ZFR2: variants seen among roughly 807,000 people sequenced by gnomAD.
The protein encoded by ZFR2 is zinc finger RNA binding protein 2, also known as zinc finger RNA-binding protein 2.
In ZFR2, 104 loss-of-function variants were observed where a neutral mutation model predicts 105.7. The observed-to-expected ratio is 0.98, with a 90% confidence interval of 0.84 to 1.16. The LOEUF is 1.16. Ranked by LOEUF, ZFR2 falls within the 50% of genes most tolerant of loss-of-function variation. The probability of loss-of-function intolerance (pLI) is 0.00; values close to 1 mark genes in which losing one functional copy is unlikely to be tolerated. For missense variants in ZFR2, 1,425 were observed against 1,355.5 expected, an observed-to-expected ratio of 1.05 and a Z score of -0.80; for synonymous variants, 634 against 597.7, an observed-to-expected ratio of 1.06 and a Z score of -0.89.
chr19:3,853,578 A>T (rs2145184595), intron 1 of ZFR2, among the ~76,000 whole-genome samples: 1 of 152,318 alleles, frequency 6.6e-6, no homozygotes, highest in South Asian at 2.1e-4. Flanking sequence ...AGCCAGACAC[A>T]AAAGGCCATA....
chr19:3,811,280 AC>A lies in ZFR2; in HGVS notation c.2328del (p.Arg776SerfsTer14), dbSNP rs2037760946. The A allele has an allele frequency of 6.3e-7, 1 of 1,594,042 alleles. No individual in the cohort carries two copies. Among genetic ancestry groups the A allele is most frequent in the Non-Finnish European group, 8.5e-7 (1 of 1,171,448 alleles). On this transcript the variant is annotated frameshift_variant, in exon 15 of 19. Coordinates refer to ENST00000262961, the MANE Select transcript of ZFR2 (RefSeq NM_015174.2). LOFTEE classifies it high-confidence loss of function. ...LESLAALRHA[R>X]WFQARASGLQ... Reference sequence around the variant, plus strand: ...ACCCCTGCCCCCCTGACCTGAAACCACCTGGCATGACGGAGGGCGGCCAGGG... The same window carrying A: ...ACCCCTGCCCCCCTGACCTGAAACCACTGGCATGACGGAGGGCGGCCAGGG...
At chr19:3,821,310 GC>G in intron 10 of ZFR2, 29 bp downstream of exon 10, 1 of 1,541,836 alleles carries the variant, frequency 6.5e-7, no homozygotes, top group Non-Finnish European at 8.7e-7. Context: ...CCCTCACCAG[GC>G]CCCCTTGCCA....
At chr19:3,807,600 TGC>T (rs1158399939) in intron 17 of ZFR2, among the ~76,000 whole-genome samples, 1 of 151,266 alleles carries the variant, frequency 6.6e-6, no homozygotes, top group Admixed American at 6.6e-5. Context: ...TGTCCGTGTG[TGC>T]ACGTGTGTGC....
At position 3,816,713 on chromosome 19, in the gene ZFR2, C is replaced by T; in HGVS notation, c.2064G>A (p.Leu688=). ...GCAGCTGCTGGGCGATCCTCCGCAGCAGGCTGTGCGTGGGCTTCTCGGAGC... is the reference window on the plus strand; with the variant it reads ...GCAGCTGCTGGGCGATCCTCCGCAGTAGGCTGTGCGTGGGCTTCTCGGAGC... The part of the protein sequence containing the change: ...LLCSEKPTHS[L]LRRIAQQLPR... The change falls in exon 13 of 19, where the codon CTG becomes CTA. Residue 688 remains leucine (L), a synonymous_variant. Transcript: ENST00000262961. 1.2e-6 allele frequency: 2 copies of T among 1,611,906 alleles called. No homozygotes were observed. Among genetic ancestry groups the T allele is most frequent in the Non-Finnish European group, 1.7e-6 (2 of 1,179,222 alleles).
intron 1 of ZFR2, among the ~76,000 whole-genome samples, chr19:3,864,230 C>T (rs1017417131): frequency 2.0e-5 from 3 of 151,874 alleles, no homozygotes; most frequent in Admixed American, 6.6e-5. Context: ...AAATAAATAT[C>T]GCCAGGCATG....
In ZFR2 at chr19:3,804,274, C is replaced by T. The variant is rs959082553; in HGVS notation, c.*1675G>A. On this transcript the variant is annotated 3_prime_UTR_variant, in exon 19 of 19. Coordinates refer to ENST00000262961, the MANE Select transcript of ZFR2 (RefSeq NM_015174.2). ...GTGGGGACTCAGAAGGGGGTGCCCC[C>T]ACATCCATCAGTGCCAGGAGGCGCC... 2.0e-5 allele frequency: 3 copies of T among 152,366 alleles called. No homozygotes were observed. The highest frequency in any genetic ancestry group is 7.2e-5 in the African/African-American group (3 of 41,442). 9.4% of individuals were successfully genotyped at this position (152,366 alleles called of 1,614,324 possible). A position where few individuals can be genotyped will look rare whatever the true frequency, so the allele number is the denominator to read the frequency against.
intron 1 of ZFR2, among the ~76,000 whole-genome samples, chr19:3,854,761 T>C (rs937840645): frequency 6.6e-6 from 1 of 152,120 alleles, no homozygotes; most frequent in African/African-American, 2.4e-5. Flanking sequence ...AACTACATCA[T>C]TAAGAGGTTT....
intron 17 of ZFR2, among the ~76,000 whole-genome samples, chr19:3,807,675 G>T (rs2037713374): frequency 6.7e-6 from 1 of 148,668 alleles, no homozygotes; most frequent in South Asian, 2.1e-4. Context: ...ACCCATGTCG[G>T]TGTGTGCTTG....
rs955524840 is a variant in ZFR2, at chr19:3,827,665, G to A, written c.853-12C>T. 30 of 1,572,146 alleles carry A rather than the reference G, an allele frequency of 1.9e-5. No individual in the cohort carries two copies. The highest frequency in any genetic ancestry group is 2.6e-5 in the Non-Finnish European group (30 of 1,159,376). ...TGTTCCCGGTAGGTCTGCGGCAAGG[G>A]GTGAGAGGCAGCCTGGGCGGGGGTT... On this transcript the variant is annotated splice_polypyrimidine_tract_variant and intron_variant, in intron 5 of 18. Transcript: ENST00000262961.
chr19:3,818,222 T>C (rs779418651), intron 12 of ZFR2, among the ~76,000 whole-genome samples: 43 of 152,204 alleles, frequency 2.8e-4, no homozygotes, highest in Non-Finnish European at 5.3e-4. Context: ...TCCCGGCACT[T>C]TGGGAGGCCG....
At chr19:3,830,519 G>A (rs1249993023) in intron 5 of ZFR2, among the ~76,000 whole-genome samples, 5 of 152,142 alleles carry the variant, frequency 3.3e-5, no homozygotes, top group Admixed American at 6.5e-5. Context: ...GAGAGCTGCT[G>A]GAGGAAAGAG....
rs552690631 is a variant in ZFR2, at chr19:3,830,769, T to C, written c.852+534A>G. On this transcript the variant is annotated intron_variant, in intron 5 of 18. Transcript: ENST00000262961. ...GACAGAGCTCTAGGGTCTAATTATC[T>C]TTCCAGGAATTGAGCCCACGATCTC... is the stretch of plus-strand genomic sequence containing the variant. 2.6e-5 allele frequency among the ~76,000 whole-genome samples: 4 copies of C among 151,962 alleles called. No individual in the cohort carries two copies. The East Asian group carries it at 7.7e-4, about 29-fold the overall frequency.
At chr19:3,836,530 C>G (rs2038077308) in intron 1 of ZFR2, among the ~76,000 whole-genome samples, 1 of 152,128 alleles carries the variant, frequency 6.6e-6, no homozygotes, top group African/African-American at 2.4e-5. Context: ...CTATGTTGCC[C>G]AGGCTCTGAC....
intron 3 of ZFR2, among the ~76,000 whole-genome samples, chr19:3,832,718 G>C (rs1205503686): frequency 3.3e-5 from 5 of 151,596 alleles, no homozygotes; most frequent in Non-Finnish European, 7.4e-5. Flanking sequence ...GCTCACTGCA[G>C]CTCAGTTCCT....
At chr19:3,824,170 C>T (rs1344808732) in intron 7 of ZFR2, among the ~76,000 whole-genome samples, 1 of 152,132 alleles carries the variant, frequency 6.6e-6, no homozygotes, top group Admixed American at 6.5e-5. Context: ...TGTGGTGGTG[C>T]ACACCTGTAG....
At chr19:3,812,155 G>A (rs759022302) in intron 14 of ZFR2, among the ~76,000 whole-genome samples, 5 of 152,080 alleles carry the variant, frequency 3.3e-5, no homozygotes, top group Non-Finnish European at 7.4e-5. Flanking sequence ...TGTTGGCCAG[G>A]CTGATCTCGA....
chr19:3,851,723 G>T (rs1342178067), intron 1 of ZFR2: 11 of 152,568 alleles, frequency 7.2e-5, no homozygotes, highest in Non-Finnish European at 1.0e-4. Context: ...GCTAAGAATG[G>T]TTTTTATAAT....
chr19:3,868,046 C>T (rs1049128307), intron 1 of ZFR2, among the ~76,000 whole-genome samples: 1 of 151,682 alleles, frequency 6.6e-6, no homozygotes, highest in Non-Finnish European at 1.5e-5. Context: ...CTCCAGCAAT[C>T]GGGGATTAAC....
At chr19:3,807,706 C>T (rs1309757538) in intron 17 of ZFR2, among the ~76,000 whole-genome samples, 2 of 143,908 alleles carry the variant, frequency 1.4e-5, no homozygotes, top group African/African-American at 2.6e-5. Flanking sequence ...CATGTGTGTC[C>T]ATGCATGCAC....
Sources: allele counts gnomAD v4.1 joint callset (sites outside exome capture counted in the v4.1 genomes callset), GRCh38; gene constraint gnomAD v4.1.1; transcripts MANE v1.5; gene names NCBI Gene and HGNC (gene_info 2026-07-23, HGNC 2026-07-21).